CDK15: variants seen among roughly 807,000 people sequenced by gnomAD.
CDK15 encodes the protein cyclin dependent kinase 15, also known as cyclin-dependent kinase 15.
CDK15 carries 62 observed loss-of-function variants against 60.3 expected under a neutral mutation model. The observed-to-expected ratio is 1.03, with a 90% CI of 0.84 to 1.27. CDK15 has a LOEUF of 1.27. Among genes scored for constraint, CDK15 ranks in the 50% most tolerant of loss-of-function variants. CDK15 has a pLI of 0.00. For missense variants in CDK15, 541 were observed against 527.8 expected (o/e 1.03, Z -0.25); for synonymous variants, 194 against 195.7 (o/e 0.99, Z 0.07).
intron 4 of CDK15, among the ~76,000 whole-genome samples, chr2:201,819,617 A>C (rs1330496193): frequency 1.3e-5 from 2 of 152,224 alleles, no homozygotes; most frequent in Non-Finnish European, 2.9e-5. Flanking sequence ...AGGCATTTGC[A>C]ATAATTCAGC....
intron 8 of CDK15, among the ~76,000 whole-genome samples, chr2:201,846,578 T>TA (rs1697681240): frequency 6.6e-6 from 1 of 151,628 alleles, no homozygotes; most frequent in African/African-American, 2.4e-5. Context: ...TTTTTTTTTT[T>TA]AAACTCCTAG....
intron 6 of CDK15, among the ~76,000 whole-genome samples, chr2:201,825,267 C>A (rs1262638718): frequency 7.0e-6 from 1 of 143,328 alleles, no homozygotes; most frequent in Non-Finnish European, 1.5e-5. Context: ...GAGCAAAGAT[C>A]ACACCAATGC....
chr2:201,847,234 C>CT (rs1055537262), intron 8 of CDK15, 147 bp from the exon 9 acceptor site: 294 of 684,870 alleles, frequency 4.3e-4, no homozygotes, highest in Middle Eastern at 7.7e-4. Flanking sequence ...GACATAGGGA[C>CT]TTTTTTTTTG....
chr2:201,861,323 G>A (rs1698382964), intron 10 of CDK15: 3 of 988,644 alleles, frequency 3.0e-6, no homozygotes, highest in Non-Finnish European at 3.6e-6. Flanking sequence ...TTCTACAGAT[G>A]AGGAAACAGA....
At chr2:201,859,636 A>C (rs1386005041) in intron 10 of CDK15, among the ~76,000 whole-genome samples, 1 of 152,230 alleles carries the variant, frequency 6.6e-6, no homozygotes. Flanking sequence ...CGGGGAGCCC[A>C]GTCGAGAGTT....
intron 10 of CDK15, 96 bp downstream of exon 10, chr2:201,855,033 C>A: frequency 9.4e-7 from 1 of 1,064,642 alleles, no homozygotes; most frequent in Non-Finnish European, 1.4e-6. Flanking sequence ...GTGAACTCAG[C>A]GGCAAAGATG....
intron 9 of CDK15, among the ~76,000 whole-genome samples, chr2:201,852,536 T>C (rs1405985239): frequency 6.6e-6 from 1 of 152,230 alleles, no homozygotes; most frequent in Non-Finnish European, 1.5e-5. Flanking sequence ...CTGGATTTAG[T>C]TCTAAAATCA....
chr2:201,838,206 G>C (rs1032976766), intron 8 of CDK15, among the ~76,000 whole-genome samples: 6 of 151,864 alleles, frequency 4.0e-5, no homozygotes, highest in African/African-American at 1.5e-4. Context: ...TGCTCTGCAG[G>C]GGACATTTGG....
Position 201,835,633 on chromosome 2 carries a change from T to C in CDK15, c.731-10T>C. The C allele has an allele frequency of 6.3e-7, 1 of 1,598,936 alleles. No homozygotes were observed. The highest frequency in any genetic ancestry group is 8.5e-7 in the Non-Finnish European group (1 of 1,170,236). On this transcript the variant is annotated splice_polypyrimidine_tract_variant and intron_variant, in intron 7 of 13. Coordinates refer to ENST00000652192, the MANE Select transcript of CDK15 (RefSeq NM_001366386.2). ...GAACGATGGGTTTTATGCTTTTCCC[T>C]TTTGGACAGGTCTTGCCCGGGCCAA...
chr2:201,811,463 A>T (rs964317536), intron 3 of CDK15, among the ~76,000 whole-genome samples: 8 of 152,176 alleles, frequency 5.3e-5, no homozygotes, highest in African/African-American at 1.9e-4. Context: ...TGAAATGTTA[A>T]ATCTTTATTA....
At position 201,867,325 on chromosome 2, in the gene CDK15, A is replaced by G. The variant is rs535345803; in HGVS notation, c.1010-4953A>G. Reference sequence around the variant, plus strand: ...TCCTCGCTGGAAAATTCTGGAGACCATTGAAGACATAATAACAGCCCAGGC... The same window carrying G: ...TCCTCGCTGGAAAATTCTGGAGACCGTTGAAGACATAATAACAGCCCAGGC... On this transcript the variant is annotated intron_variant, in intron 10 of 13. Transcript: ENST00000652192. Among the ~76,000 whole-genome samples the G allele has an allele frequency of 5.2e-4, 79 of 152,274 alleles. 1 individual carries two copies. Among genetic ancestry groups the G allele is most frequent in the East Asian group, 1.4e-3 (7 of 5,182 alleles).
chr2:201,826,384 C>T (rs1242660187), intron 6 of CDK15, among the ~76,000 whole-genome samples: 4 of 128,022 alleles, frequency 3.1e-5, no homozygotes, highest in African/African-American at 5.8e-5. Context: ...GGCGTGAACC[C>T]GGGAGGTAGA....
At position 201,888,807 on chromosome 2, in the gene CDK15, T is replaced by G. The variant is rs185621117; in HGVS notation, c.1199-1978T>G. 1,590 of 1,140,166 alleles carry G rather than the reference T, an allele frequency of 1.4e-3. 8 individuals are homozygous for G. In the South Asian group the frequency reaches 0.017, roughly 12 times the overall value. The allele number at this position is 1,140,166 out of a possible 1,614,324, so 70.6% of individuals were successfully genotyped here. A position where few individuals can be genotyped will look rare whatever the true frequency, so the allele number is the denominator to read the frequency against. Reference sequence around the variant, plus strand: ...GGGAAATCCCAGCTTTTCATGCCACTGTCCCCAAGGCAAGAGGATACTTCT... The same window carrying G: ...GGGAAATCCCAGCTTTTCATGCCACGGTCCCCAAGGCAAGAGGATACTTCT... On this transcript the variant is annotated intron_variant, in intron 12 of 13. Transcript: ENST00000652192.
Position 201,847,383 on chromosome 2 carries a change from G to T in CDK15, c.854G>T (p.Gly285Val). ...TTTACTCTTATTTCATTTGCTAGGG[G>T]TGCAGGCTGCATCTTTATTGAAATG... Reference protein sequence around the residue: ...TEYSSELDIWGAGCIFIEMFQ... With the variant: ...TEYSSELDIWVAGCIFIEMFQ... The change falls in exon 9 of 14, where the codon GGT (glycine) becomes GTT (valine). Residue 285 changes from glycine to valine, a missense_variant and splice_region_variant. By Grantham distance (109) the Gly-to-Val change is moderately radical (BLOSUM62 -3). Coordinates refer to ENST00000652192, the MANE Select transcript of CDK15 (RefSeq NM_001366386.2). 2 of 1,613,654 alleles carry T rather than the reference G, an allele frequency of 1.2e-6. 1 individual carries two copies. Among genetic ancestry groups the T allele is most frequent in the South Asian group, 2.2e-5 (2 of 91,002 alleles).
chr2:201,843,924 GACTT>G (rs74322223), intron 8 of CDK15, among the ~76,000 whole-genome samples: 89,679 of 151,956 alleles, frequency 0.59, 27,333 homozygotes, highest in Admixed American at 0.7. Context: ...GTAACAAAAT[GACTT>G]CTTGGTTCCC....
At chr2:201,811,154 CTTTT>C (rs61361602) in intron 3 of CDK15, among the ~76,000 whole-genome samples, 2 of 138,670 alleles carry the variant, frequency 1.4e-5, no homozygotes, top group Non-Finnish European at 1.6e-5. Flanking sequence ...AGGGTATGCA[CTTTT>C]TTTTTTTTTT....
At chr2:201,823,263 T>C (rs1696310204) in intron 5 of CDK15, among the ~76,000 whole-genome samples, 1 of 152,198 alleles carries the variant, frequency 6.6e-6, no homozygotes, top group African/African-American at 2.4e-5. Context: ...TATTTAAAAA[T>C]TGTATGCAAG....
intron 2 of CDK15, 28 bp from the exon 3 acceptor site, chr2:201,807,830 G>T (rs1260412624): frequency 2.5e-6 from 4 of 1,587,336 alleles, no homozygotes; most frequent in Non-Finnish European, 3.4e-6. Context: ...CCTTTCACCC[G>T]CTCCTTTTCC....
intron 11 of CDK15, among the ~76,000 whole-genome samples, chr2:201,877,027 G>C (rs1035343581): frequency 1.3e-5 from 2 of 152,030 alleles, no homozygotes; most frequent in African/African-American, 4.8e-5. Context: ...TGAACTCCTG[G>C]GCTCAAGTGA....
Sources: gnomAD v4.1 joint callset for allele counts (sites outside exome capture counted in the v4.1 genomes callset) on GRCh38, gnomAD v4.1.1 for gene constraint, MANE v1.5 for transcripts, NCBI Gene and HGNC (gene_info 2026-07-23, HGNC 2026-07-21) for gene names.